Variants in SHROOM3 observed in about 807,000 individuals in gnomAD.
SHROOM3 encodes the protein protein Shroom3.
SHROOM3 carries 47 observed loss-of-function variants against 138.6 expected under a neutral mutation model. The ratio of observed to expected loss-of-function variants is 0.34; its 90% CI spans 0.27 to 0.43. The LOEUF (loss-of-function observed/expected upper bound fraction) is 0.43, where lower values mean the gene tolerates loss of function less well. Ranked by LOEUF, SHROOM3 falls within the 20% of genes least tolerant of loss-of-function variation. SHROOM3 has a pLI of 1.00. For synonymous variants in SHROOM3, 1,062 were observed against 1,063.3 expected (o/e 1.00, Z 0.02); for missense variants, 2,491 against 2,596.5 (o/e 0.96, Z 0.88).
In SHROOM3 at chr4:76,688,919, G is replaced by A. The variant is rs571679027; in HGVS notation, c.324-21237G>A. 4.7e-5 allele frequency: 46 copies of A among 983,976 alleles called. No individual in the cohort carries two copies. In the African/African-American group the frequency reaches 7.7e-4, roughly 17 times the overall value. 61.0% of individuals were successfully genotyped at this position (983,976 alleles called of 1,614,324 possible). ...TGCTGTGACTTACACTGAGAAGAGGGCATGCTGAGAAAAAGGATGGTTATT... is the reference window on the plus strand; with the variant it reads ...TGCTGTGACTTACACTGAGAAGAGGACATGCTGAGAAAAAGGATGGTTATT... On this transcript the variant is annotated intron_variant, in intron 2 of 10. Coordinates refer to ENST00000296043, the MANE Select transcript of SHROOM3 (RefSeq NM_020859.4).
chr4:76,756,386 T>G, intron 7 of SHROOM3, 63 bp from the exon 8 acceptor site: 1 of 1,529,364 alleles, frequency 6.5e-7, no homozygotes, highest in South Asian at 1.2e-5. Context: ...ATCATCACCC[T>G]TCTCTTATCA....
At chr4:76,448,417 TC>T (rs1219495186) in intron 1 of SHROOM3, among the ~76,000 whole-genome samples, 4 of 152,236 alleles carry the variant, frequency 2.6e-5, no homozygotes, top group Non-Finnish European at 4.4e-5. Flanking sequence ...TGGCTGGACT[TC>T]CAGCTGTCAG....
In SHROOM3 at chr4:76,779,136, A is replaced by G. The variant is rs2109800863; in HGVS notation, c.5950A>G (p.Thr1984Ala). The G allele has an allele frequency of 1.2e-6, 2 of 1,613,800 alleles. No individual in the cohort carries two copies. Among genetic ancestry groups the G allele is most frequent in the Admixed American group, 3.3e-5 (2 of 60,006 alleles). The change falls in exon 11 of 11, where the codon ACT (threonine) becomes GCT (alanine). Residue 1984 changes from threonine (T) to alanine (A), a missense_variant. Coordinates refer to ENST00000296043, the MANE Select transcript of SHROOM3 (RefSeq NM_020859.4). The part of the protein sequence containing the change: ...TSEPIPAGGC[T>A]FSGIFPTLTS... ...TGAGCCCATTCCTGCTGGGGGCTGTACTTTCAGTGGTATTTTCCCAACATT... is the reference window on the plus strand; with the variant it reads ...TGAGCCCATTCCTGCTGGGGGCTGTGCTTTCAGTGGTATTTTCCCAACATT...
At chr4:76,478,139 C>G (rs1379615981) in intron 1 of SHROOM3, among the ~76,000 whole-genome samples, 2 of 152,140 alleles carry the variant, frequency 1.3e-5, no homozygotes, top group Non-Finnish European at 1.5e-5. Context: ...TTGTTCACTC[C>G]CCTGGAAAGG....
At chr4:76,547,959 A>ACACACACG (rs1248014280) in intron 1 of SHROOM3, among the ~76,000 whole-genome samples, 5 of 151,504 alleles carry the variant, frequency 3.3e-5, no homozygotes, top group African/African-American at 1.2e-4. Flanking sequence ...ACACACACAC[A>ACACACACG]CGTCATGAAT....
chr4:76,571,840 T>C (rs145568222), intron 2 of SHROOM3, among the ~76,000 whole-genome samples: 2 of 152,366 alleles, frequency 1.3e-5, no homozygotes, highest in Admixed American at 1.3e-4. Context: ...GATTCTGTAC[T>C]AGTCTTACTA....
intron 3 of SHROOM3, among the ~76,000 whole-genome samples, chr4:76,717,163 A>G (rs1175128357): frequency 2.0e-5 from 3 of 150,174 alleles, no homozygotes; most frequent in Non-Finnish European, 4.4e-5. Context: ...CTTTTACTCC[A>G]CTCTCTTCTT....
intron 2 of SHROOM3, among the ~76,000 whole-genome samples, chr4:76,701,792 T>C (rs1051717950): frequency 6.6e-6 from 1 of 152,148 alleles, no homozygotes; most frequent in Non-Finnish European, 1.5e-5. Flanking sequence ...CTCAAAGTAA[T>C]CCCCTTCACC....
At chr4:76,694,646 C>T (rs565089333) in intron 2 of SHROOM3, among the ~76,000 whole-genome samples, 81 of 152,182 alleles carry the variant, frequency 5.3e-4, no homozygotes, top group Non-Finnish European at 1.0e-3. Flanking sequence ...GCTGTTTCCT[C>T]ATCTGCAAGA....
chr4:76,676,261 G>A (rs1413832111), intron 2 of SHROOM3, among the ~76,000 whole-genome samples: 1 of 152,160 alleles, frequency 6.6e-6, no homozygotes, highest in African/African-American at 2.4e-5. Context: ...GGGACAAGGA[G>A]GATAGCCTAG....
intron 2 of SHROOM3, among the ~76,000 whole-genome samples, chr4:76,695,027 T>C (rs1238232608): frequency 6.6e-6 from 1 of 152,220 alleles, no homozygotes; most frequent in Non-Finnish European, 1.5e-5. Context: ...TTAGATATGA[T>C]TGTTTTATAC....
At chr4:76,478,889 C>T (rs779682544) in intron 1 of SHROOM3, among the ~76,000 whole-genome samples, 8 of 152,114 alleles carry the variant, frequency 5.3e-5, no homozygotes, top group African/African-American at 9.6e-5. Context: ...GCAGAGGGGC[C>T]GGACTGTTAG....
rs543696447 is a variant in SHROOM3 at position 76,589,284 on chromosome 4, A to G, written c.323+33521A>G. ...GGAGTTTGAGACCAGCCTGACCAAC[A>G]TGGAGAAACCCTGTCTCTACTAAAA... On this transcript the variant is annotated intron_variant, in intron 2 of 10. Transcript: ENST00000296043. 5.9e-5 allele frequency among the ~76,000 whole-genome samples: 9 copies of G among 152,210 alleles called. No individual in the cohort carries two copies. The South Asian group carries it at 6.2e-4, about 11-fold the overall frequency.
At chr4:76,521,282 A>G (rs79236113) in intron 1 of SHROOM3, among the ~76,000 whole-genome samples, 2 of 151,450 alleles carry the variant, frequency 1.3e-5, no homozygotes, top group African/African-American at 2.4e-5. Flanking sequence ...GTGTATGTAT[A>G]TGTGTGTGTG....
Position 76,741,096 on chromosome 4 carries a change from G to A in SHROOM3, c.2923G>A (p.Ala975Thr). The A allele has an allele frequency of 6.5e-7, 1 of 1,546,720 alleles. No homozygotes were observed. Among genetic ancestry groups the A allele is most frequent in the African/African-American group, 1.4e-5 (1 of 72,984 alleles). ...HVGLRSPEAS[A>T]SASPHTPRER... ...GGGGCTGCGGAGCCCCGAGGCGTCG[G>A]CCTCCGCCTCCCCGCACACGCCCCG... The change falls in exon 5 of 11, where the codon GCC (alanine) becomes ACC (threonine). Residue 975 changes from alanine (A) to threonine (T), a missense_variant. This residue lies in a region of SHROOM3 where 1,733 missense variants were observed against 1,661.6 expected (regional missense o/e 1.04). Transcript: ENST00000296043. This position sits in a 1 kb window ranked among gnomAD's most constrained non-coding sequence, Gnocchi z 6.2.
At chr4:76,476,520 A>G (rs557312884) in intron 1 of SHROOM3, among the ~76,000 whole-genome samples, 94 of 152,338 alleles carry the variant, frequency 6.2e-4, no homozygotes, top group African/African-American at 2.2e-3. Context: ...GGGTTTTCTT[A>G]GATGAGCTCT....
intron 1 of SHROOM3, among the ~76,000 whole-genome samples, chr4:76,530,752 G>A (rs901292535): frequency 1.1e-4 from 17 of 152,172 alleles, no homozygotes; most frequent in Non-Finnish European, 2.1e-4. Flanking sequence ...TCCATAAATG[G>A]AACATGTAGC....
At chr4:76,520,936 C>G (rs1732551453) in intron 1 of SHROOM3, among the ~76,000 whole-genome samples, 1 of 152,214 alleles carries the variant, frequency 6.6e-6, no homozygotes, top group South Asian at 2.1e-4. Flanking sequence ...GGACCGCTAT[C>G]ATAGCGGAGA....
chr4:76,517,621 GTA>G (rs60652477), intron 1 of SHROOM3, among the ~76,000 whole-genome samples: 12,932 of 146,792 alleles, frequency 0.088, 905 homozygotes, highest in African/African-American at 0.2. Flanking sequence ...TGTTTGTTTG[GTA>G]TATATATATA....
Sources: gnomAD v4.1 joint callset for allele counts (sites outside exome capture counted in the v4.1 genomes callset) on GRCh38, gnomAD v4.1.1 for gene constraint, gnomAD v4.1.1 regional missense constraint, Gnocchi (gnomAD v3.1) non-coding constraint, MANE v1.5 for transcripts, NCBI Gene and HGNC (gene_info 2026-07-23, HGNC 2026-07-21) for gene names.